Variants in SAMM50 observed in about 807,000 individuals in gnomAD.
The protein encoded by SAMM50 is SAMM50 sorting and assembly machinery component.
Under a neutral mutation model 66.9 loss-of-function variants are expected in SAMM50, and 47 were observed. The observed-to-expected ratio is 0.70, with a 90% CI of 0.56 to 0.90. SAMM50 has a LOEUF of 0.90. Among genes scored for constraint, SAMM50 ranks in the 40% least tolerant of loss-of-function variants. SAMM50 has a pLI of 0.00. For synonymous variants in SAMM50, 191 were observed against 214.1 expected (o/e 0.89, Z 0.94); for missense variants, 535 against 595.3 (o/e 0.90, Z 1.05).
chr22:43,986,288 C>T (rs1031402364), intron 12 of SAMM50: 4 of 151,988 alleles, frequency 2.6e-5, no homozygotes, highest in African/African-American at 9.7e-5. Flanking sequence ...GATTTGCCCG[C>T]CTTGGCCTCC....
chr22:43,962,247 G>A lies in SAMM50; in HGVS notation c.22-1039G>A, dbSNP rs113160596. Among the ~76,000 whole-genome samples, 549 of 152,336 alleles carry A rather than the reference G, an allele frequency of 3.6e-3. 4 individuals are homozygous for A. Among genetic ancestry groups the A allele is most frequent in the African/African-American group, 0.011 (475 of 41,584 alleles). ...TGTTGAAGATCTCATGTAGTTTCTT[G>A]AGTACTGTAAGTGAAAATCAGAATG... On this transcript the variant is annotated intron_variant, in intron 1 of 14. Transcript: ENST00000350028.
intron 12 of SAMM50, 42 bp downstream of exon 12, chr22:43,984,042 C>A: frequency 6.4e-7 from 1 of 1,558,152 alleles, no homozygotes. Context: ...AGAAGGCTCG[C>A]GTCTCACTTT....
chr22:43,994,146 G>C (rs904151555), intron 14 of SAMM50, among the ~76,000 whole-genome samples: 1 of 151,430 alleles, frequency 6.6e-6, no homozygotes, highest in Non-Finnish European at 1.5e-5. Flanking sequence ...AGGACAGACA[G>C]CCAGGTGCTT....
intron 3 of SAMM50, among the ~76,000 whole-genome samples, chr22:43,966,477 C>T (rs1250367377): frequency 6.6e-6 from 1 of 152,096 alleles, no homozygotes; most frequent in African/African-American, 2.4e-5. Flanking sequence ...CCTGCTTCAG[C>T]CTCCTGAGTA....
At chr22:43,957,037 G>A in intron 1 of SAMM50, 1 of 896,588 alleles carries the variant, frequency 1.1e-6, no homozygotes, top group Non-Finnish European at 1.9e-6. Context: ...ATGTCTGGAA[G>A]GCTGTGGTCC....
At chr22:43,963,917 A>ATTTATTTTTTTTT (rs1569025181) in intron 2 of SAMM50, among the ~76,000 whole-genome samples, 9 of 150,222 alleles carry the variant, frequency 6.0e-5, no homozygotes, top group African/African-American at 2.3e-4. Context: ...TATTTTTAAA[A>ATTTATTTTTTTTT]TTTTTTTTGA....
chr22:43,966,536 G>A (rs1048311812), intron 3 of SAMM50, among the ~76,000 whole-genome samples: 3 of 151,822 alleles, frequency 2.0e-5, no homozygotes, highest in Admixed American at 6.6e-5. Context: ...TTTTTGTATT[G>A]TTAGTAGAGA....
chr22:43,984,618 A>G (rs2050282346), intron 12 of SAMM50, among the ~76,000 whole-genome samples: 1 of 146,270 alleles, frequency 6.8e-6, no homozygotes, highest in Admixed American at 6.9e-5. Flanking sequence ...ACCCCTATGT[A>G]TTATTATTAA....
chr22:43,956,738 G>T (rs1468269440), intron 1 of SAMM50, among the ~76,000 whole-genome samples: 1 of 152,204 alleles, frequency 6.6e-6, no homozygotes, highest in Non-Finnish European at 1.5e-5. Flanking sequence ...ACAGGGAGAT[G>T]AGGAAACTTC....
chr22:43,983,350 A>G lies in SAMM50; in HGVS notation c.1008-583A>G, dbSNP rs1208070797. Among the ~76,000 whole-genome samples the G allele has an allele frequency of 1.3e-5, 2 of 152,206 alleles. No individual in the cohort carries two copies. Among genetic ancestry groups the G allele is most frequent in the Non-Finnish European group, 2.9e-5 (2 of 68,038 alleles). ...TTTTTCAGAAAGTGGATGGGTTTTT[A>G]TGTAATTAATTTTTAATTCACGCTT... is the stretch of plus-strand genomic sequence containing the variant. On this transcript the variant is annotated intron_variant, in intron 11 of 14. Transcript: ENST00000350028. The surrounding 1 kb of genome is among the most constrained non-coding windows in gnomAD (Gnocchi z 4.2).
chr22:43,979,559 C>T (rs1450659575), intron 10 of SAMM50, among the ~76,000 whole-genome samples: 1 of 152,166 alleles, frequency 6.6e-6, no homozygotes, highest in Admixed American at 6.5e-5. Context: ...GTCTCTGCTC[C>T]TCTCCTACTC....
intron 7 of SAMM50, among the ~76,000 whole-genome samples, chr22:43,974,054 G>A (rs1054187602): frequency 1.3e-5 from 2 of 151,240 alleles, no homozygotes; most frequent in African/African-American, 2.4e-5. Context: ...TTTCGCCACT[G>A]TTCCTGACTC....
At chr22:43,973,414 G>A in intron 7 of SAMM50, 91 bp downstream of exon 7, 1 of 761,802 alleles carries the variant, frequency 1.3e-6, no homozygotes, top group South Asian at 1.5e-5. Context: ...GGGCAGCGTG[G>A]AAAGCACAGG....
chr22:43,967,463 T>G lies in SAMM50; in HGVS notation c.235-1268T>G, dbSNP rs542221311. On this transcript the variant is annotated intron_variant, in intron 3 of 14. Transcript: ENST00000350028. The stretch of plus-strand genomic sequence containing the variant: ...AGTAGCTTCTTTCTTAGCCTCTTTC[T>G]TCTTCTCATGCACTCTACCTAGGCA... 4.5e-4 allele frequency among the ~76,000 whole-genome samples: 69 copies of G among 152,328 alleles called. No homozygotes were observed. The Middle Eastern group carries it at 0.017, about 38-fold the overall frequency.
At position 43,989,250 on chromosome 22, in the gene SAMM50, C is replaced by A. The variant is rs778206083; in HGVS notation, c.1215C>A (p.Leu405=). The part of the protein sequence containing the change: ...FFLNAGNLCN[L]NYGEGPKAHI... ...TCAACGCAGGAAACCTCTGCAACCT[C>A]AACTATGGTAAAACTTGCGCTATTC... Residue 405 remains leucine, a synonymous_variant, in exon 13 of 15, where the codon CTC becomes CTA. Transcript: ENST00000350028. 1 of 1,613,870 alleles carries A rather than the reference C, an allele frequency of 6.2e-7. No homozygotes were observed. The highest frequency in any genetic ancestry group is 1.3e-5 in the African/African-American group (1 of 74,884).
chr22:43,975,109 G>A (rs773621784), intron 7 of SAMM50: 2 of 152,354 alleles, frequency 1.3e-5, no homozygotes, highest in African/African-American at 2.4e-5. Flanking sequence ...TACACCTCCC[G>A]TAGGAATTTG....
rs75281082 is a variant in SAMM50, at chr22:43,976,431, A to G, written c.777+248A>G. On this transcript the variant is annotated intron_variant, in intron 8 of 14. Transcript: ENST00000350028. ...CTGTGGAATTTCAGCTTTCAAAAAG[A>G]AGGAGGAACCAGGCTGAGCCGACTG... Among the ~76,000 whole-genome samples, 1,467 of 152,326 alleles carry G rather than the reference A, an allele frequency of 9.6e-3. 25 individuals are homozygous for G. The highest frequency in any genetic ancestry group is 0.033 in the African/African-American group (1,390 of 41,568).
chr22:43,957,891 TG>T (rs2050128153), intron 1 of SAMM50, among the ~76,000 whole-genome samples: 1 of 152,204 alleles, frequency 6.6e-6, no homozygotes, highest in Non-Finnish European at 1.5e-5. Context: ...CCTGAATAGC[TG>T]GGACCACAGG....
chr22:43,980,167 C>CTCATCCAT (rs1569032141), intron 10 of SAMM50, among the ~76,000 whole-genome samples: 1 of 2,746 alleles, frequency 3.6e-4, no homozygotes, highest in Admixed American at 6.2e-3. Flanking sequence ...CATCCATTCA[C>CTCATCCAT]CCACCCACCC....
Sources: allele counts gnomAD v4.1 joint callset (sites outside exome capture counted in the v4.1 genomes callset), GRCh38; gene constraint gnomAD v4.1.1; non-coding constraint Gnocchi (gnomAD v3.1); transcripts MANE v1.5; gene names NCBI Gene and HGNC (gene_info 2026-07-23, HGNC 2026-07-21).